Variants in GMDS observed in about 807,000 individuals in gnomAD.
GMDS encodes GDP-mannose 4,6 dehydratase.
In GMDS, 20 loss-of-function variants were observed where a neutral mutation model predicts 49.9. The observed-to-expected ratio is 0.40, with a 90% CI of 0.28 to 0.58. The LOEUF (loss-of-function observed/expected upper bound fraction) is 0.58. GMDS is among the 20% of genes least tolerant of loss of function. GMDS has a pLI of 0.42. For missense variants in GMDS, 362 were observed against 481.4 expected, an observed-to-expected ratio of 0.75 and a Z score of 2.32; for synonymous variants, 177 against 178.6, an observed-to-expected ratio of 0.99 and a Z score of 0.07.
intron 4 of GMDS, among the ~76,000 whole-genome samples, chr6:2,024,336 G>A (rs1233629348): frequency 6.6e-6 from 1 of 152,116 alleles, no homozygotes; most frequent in African/African-American, 2.4e-5. Context: ...AACTCACAAT[G>A]CAGCAGCAAG....
Position 1,797,538 on chromosome 6 carries a change from T to C in GMDS, c.772-54952A>G, listed in dbSNP as rs76548167. 3.4e-3 allele frequency among the ~76,000 whole-genome samples: 515 copies of C among 152,318 alleles called. 1 individual carries two copies. Among genetic ancestry groups the C allele is most frequent in the African/African-American group, 0.012 (496 of 41,568 alleles). On this transcript the variant is annotated intron_variant, in intron 7 of 10. Coordinates refer to ENST00000380815, the MANE Select transcript of GMDS (RefSeq NM_001500.4). The stretch of plus-strand genomic sequence containing the variant: ...TGGCAAGTATATGTCAGTACTATCA[T>C]CATCATCAGAGTTACTAACATTTTA...
rs774957498 is a variant in GMDS at position 1,833,505 on chromosome 6, C to CA, written c.772-90920_772-90919insT. 6.8e-6 allele frequency among the ~76,000 whole-genome samples: 1 copy of CA among 146,518 alleles called. No individual in the cohort carries two copies. The highest frequency in any genetic ancestry group is 1.5e-5 in the Non-Finnish European group (1 of 66,046). ...CTGAATGCAGCACACATTTTTAAAA[C>CA]TTTTTTTTTTTGCCTTTTCTTCCTT... On this transcript the variant is annotated intron_variant, in intron 7 of 10. Coordinates refer to ENST00000380815, the MANE Select transcript of GMDS (RefSeq NM_001500.4). This position sits in a 1 kb window ranked among gnomAD's most constrained non-coding sequence, Gnocchi z 4.4.
At chr6:1,966,335 A>G (rs1764255985) in intron 4 of GMDS, among the ~76,000 whole-genome samples, 1 of 148,562 alleles carries the variant, frequency 6.7e-6, no homozygotes, top group African/African-American at 2.5e-5. Context: ...TAAAAATCTT[A>G]TTTCACCTAA....
At chr6:1,845,881 G>A (rs1442855553) in intron 7 of GMDS, among the ~76,000 whole-genome samples, 1 of 151,982 alleles carries the variant, frequency 6.6e-6, no homozygotes, top group Non-Finnish European at 1.5e-5. Flanking sequence ...AACAGGCCAT[G>A]GACCAGTACT....
At chr6:1,999,958 A>AAAAT (rs1766587911) in intron 4 of GMDS, among the ~76,000 whole-genome samples, 2 of 20,642 alleles carry the variant, frequency 9.7e-5, no homozygotes, top group Non-Finnish European at 2.1e-4. Context: ...TAATATGTAT[A>AAAAT]TTATATATAT....
At chr6:2,024,712 C>A (rs549994103) in intron 4 of GMDS, among the ~76,000 whole-genome samples, 226 of 151,220 alleles carry the variant, frequency 1.5e-3, no homozygotes, top group African/African-American at 5.3e-3. Context: ...AAAAGAGAAG[C>A]AAAGAAAAAG....
intron 7 of GMDS, among the ~76,000 whole-genome samples, chr6:1,880,005 C>T (rs79075756): frequency 3.3e-5 from 5 of 151,902 alleles, no homozygotes; most frequent in East Asian, 1.9e-4. Context: ...TATTATTCAA[C>T]GTATATCTGA....
At chr6:1,664,439 C>G (rs1435085838) in intron 9 of GMDS, among the ~76,000 whole-genome samples, 1 of 152,146 alleles carries the variant, frequency 6.6e-6, no homozygotes, top group African/African-American at 2.4e-5. Context: ...CATGGGAGAC[C>G]GTGAGTATTC....
intron 4 of GMDS, among the ~76,000 whole-genome samples, chr6:2,050,725 T>A (rs927253468): frequency 3.3e-5 from 5 of 152,170 alleles, no homozygotes; most frequent in African/African-American, 1.2e-4. Flanking sequence ...TGGTTCAACA[T>A]ACGCAAATCA....
chr6:1,845,295 T>TA (rs1426270528), intron 7 of GMDS, among the ~76,000 whole-genome samples: 1 of 152,226 alleles, frequency 6.6e-6, no homozygotes, highest in Non-Finnish European at 1.5e-5. Flanking sequence ...TTCACGGTCA[T>TA]AGTTTATTAT....
intron 7 of GMDS, among the ~76,000 whole-genome samples, chr6:1,839,151 G>GA (rs879548990): frequency 3.6e-3 from 516 of 145,302 alleles, no homozygotes; most frequent in Non-Finnish European, 5.7e-3. Flanking sequence ...TTTCAGCTCA[G>GA]AAAAAAAAAA....
At chr6:2,073,063 T>C (rs1772107860) in intron 4 of GMDS, among the ~76,000 whole-genome samples, 1 of 152,186 alleles carries the variant, frequency 6.6e-6, no homozygotes, top group African/African-American at 2.4e-5. Context: ...CATGGGATGT[T>C]TAGGTTAGAC....
chr6:2,219,190 A>G (rs970966603), intron 1 of GMDS, among the ~76,000 whole-genome samples: 2 of 152,230 alleles, frequency 1.3e-5, no homozygotes, highest in African/African-American at 4.8e-5. Context: ...ACTCACCTGA[A>G]TACCCATTTG....
At chr6:2,230,914 G>A (rs1454901550) in intron 1 of GMDS, among the ~76,000 whole-genome samples, 1 of 126,720 alleles carries the variant, frequency 7.9e-6, no homozygotes, top group African/African-American at 3.0e-5. Flanking sequence ...TTCACTTAAT[G>A]CATTTAGTAT....
intron 4 of GMDS, among the ~76,000 whole-genome samples, chr6:2,013,096 T>G (rs964177030): frequency 6.6e-6 from 1 of 152,190 alleles, no homozygotes; most frequent in Non-Finnish European, 1.5e-5. Flanking sequence ...TTCAGCCTCA[T>G]TTTAAAAATA....
At chr6:2,176,352 C>T (rs192982474) in intron 1 of GMDS, among the ~76,000 whole-genome samples, 1 of 152,114 alleles carries the variant, frequency 6.6e-6, no homozygotes, top group East Asian at 1.9e-4. Flanking sequence ...TAAAAACAGA[C>T]TTTGATGTCA....
rs541257294 is a variant in GMDS, at chr6:1,940,952, C to T, written c.644-10722G>A. Among the ~76,000 whole-genome samples, 7 of 152,156 alleles carry T rather than the reference C, an allele frequency of 4.6e-5. No individual in the cohort carries two copies. The East Asian group carries it at 1.4e-3, about 29-fold the overall frequency. On this transcript the variant is annotated intron_variant, in intron 6 of 10. Coordinates refer to ENST00000380815, the MANE Select transcript of GMDS (RefSeq NM_001500.4). ...TTTACCCAGTAGATGCCAGGAGCAC[C>T]CCCTCAATTATGTTCACAGGTGTTG... is the stretch of plus-strand genomic sequence containing the variant.
intron 7 of GMDS, among the ~76,000 whole-genome samples, chr6:1,895,894 T>G (rs1330604794): frequency 6.6e-6 from 1 of 152,212 alleles, no homozygotes; most frequent in Admixed American, 6.5e-5. Context: ...CTTCTTCTCC[T>G]ACTCCTTTCT....
chr6:1,998,541 G>GT (rs1766439100), intron 4 of GMDS, among the ~76,000 whole-genome samples: 1 of 152,078 alleles, frequency 6.6e-6, no homozygotes, highest in Admixed American at 6.6e-5. Flanking sequence ...TCAGCCCTTC[G>GT]TATCCATAGG....
Sources: allele counts gnomAD v4.1 joint callset (sites outside exome capture counted in the v4.1 genomes callset), GRCh38; gene constraint gnomAD v4.1.1; non-coding constraint Gnocchi (gnomAD v3.1); transcripts MANE v1.5; gene names NCBI Gene and HGNC (gene_info 2026-07-23, HGNC 2026-07-21).